EXTL3: variants seen among roughly 807,000 people sequenced by gnomAD.
The protein encoded by EXTL3 is exostosin-like 3.
Under a neutral mutation model 69.3 loss-of-function variants are expected in EXTL3, and 27 were observed. The ratio of observed to expected loss-of-function variants is 0.39; its 90% CI spans 0.29 to 0.54. The LOEUF (loss-of-function observed/expected upper bound fraction) is 0.54, where lower values mean the gene tolerates loss of function less well. Among genes scored for constraint, EXTL3 ranks in the 20% least tolerant of loss-of-function variants. The probability of loss-of-function intolerance (pLI) is 0.69; values close to 1 mark genes in which losing one functional copy is unlikely to be tolerated. For synonymous variants in EXTL3, 511 were observed against 499.4 expected, an observed-to-expected ratio of 1.02 and a Z score of -0.31; for missense variants, 1,003 against 1,231.8, an observed-to-expected ratio of 0.81 and a Z score of 2.78.
chr8:28,626,643 A>G (rs1485149753), intron 1 of EXTL3, among the ~76,000 whole-genome samples: 2 of 152,176 alleles, frequency 1.3e-5, no homozygotes, highest in African/African-American at 4.8e-5. Context: ...GAATCTTATA[A>G]AAACCCTGTA....
intron 6 of EXTL3, among the ~76,000 whole-genome samples, chr8:28,749,286 A>G (rs1801954071): frequency 6.6e-6 from 1 of 152,222 alleles, no homozygotes; most frequent in Non-Finnish European, 1.5e-5. Flanking sequence ...TAACCTGAAA[A>G]CATAAAAAAG....
At chr8:28,699,156 G>A (rs34092499), upstream of EXTL3, among the ~76,000 whole-genome samples, 6 of 152,232 alleles carry the variant, frequency 3.9e-5, no homozygotes, top group East Asian at 9.7e-4. Flanking sequence ...CAGTGTGGGC[G>A]ACAGAGCAAG....
intron 4 of EXTL3, among the ~76,000 whole-genome samples, chr8:28,736,193 A>T (rs1054971422): frequency 4.6e-5 from 7 of 151,694 alleles, no homozygotes; most frequent in African/African-American, 1.7e-4. Context: ...TCAGTTGTCT[A>T]AAAAAACCCA....
At position 28,716,521 on chromosome 8, in the gene EXTL3, C is replaced by T. The variant is rs1412797834; in HGVS notation, c.462C>T (p.Ser154=). 6 of 1,613,976 alleles carry T rather than the reference C, an allele frequency of 3.7e-6. No individual in the cohort carries two copies. In the Admixed American group the frequency reaches 8.3e-5, roughly 22 times the overall value. The change falls in exon 3 of 7, where the codon TCC becomes TCT. Residue 154 remains serine, a synonymous_variant. Transcript: ENST00000220562. This position sits in a 1 kb window ranked among gnomAD's most constrained non-coding sequence, Gnocchi z 7.1. Reference sequence around the variant, plus strand: ...TGGCCCAGAACCAGCCCAAGCTGTCCCTGCCCATCCGACTGCTCCCAGAGA... The same window carrying T: ...TGGCCCAGAACCAGCCCAAGCTGTCTCTGCCCATCCGACTGCTCCCAGAGA... The part of the protein sequence containing the change: ...ELMAQNQPKL[S]LPIRLLPEKD...
chr8:28,673,010 T>G (rs1807322542), intron 1 of EXTL3, among the ~76,000 whole-genome samples: 1 of 152,212 alleles, frequency 6.6e-6, no homozygotes, highest in South Asian at 2.1e-4. Context: ...ATGTAAGATG[T>G]GCCTTTAGCC....
upstream of EXTL3, among the ~76,000 whole-genome samples, chr8:28,621,301 G>T (rs1563426771): frequency 6.6e-6 from 1 of 152,158 alleles, no homozygotes; most frequent in African/African-American, 2.4e-5. Context: ...TTATAAAAGG[G>T]GGATATATTT....
chr8:28,711,605 C>T (rs1167818265), intron 1 of EXTL3, among the ~76,000 whole-genome samples: 1 of 152,194 alleles, frequency 6.6e-6, no homozygotes, highest in African/African-American at 2.4e-5. Flanking sequence ...GAGCTGCATC[C>T]TGAGCCGGGT....
chr8:28,713,340 G>T, intron 1 of EXTL3, 117 bp from the exon 2 acceptor site: 1 of 585,774 alleles, frequency 1.7e-6, no homozygotes, highest in Non-Finnish European at 3.0e-6. Context: ...GTACATAAGA[G>T]AAATCTTTTC....
chr8:28,721,971 G>T (rs920798939), intron 3 of EXTL3, among the ~76,000 whole-genome samples: 1 of 152,212 alleles, frequency 6.6e-6, no homozygotes, highest in Non-Finnish European at 1.5e-5. Flanking sequence ...ACAGTCTCTT[G>T]GCAGCCCGTC....
upstream of EXTL3, among the ~76,000 whole-genome samples, chr8:28,622,544 C>T (rs1408915798): frequency 1.4e-5 from 2 of 142,440 alleles, no homozygotes; most frequent in Non-Finnish European, 3.0e-5. Context: ...GGCCGGGAGC[C>T]GACGCGGAGG....
chr8:28,617,294 T>G (rs1585215545), intron 2 of EXTL3, among the ~76,000 whole-genome samples: 1 of 152,006 alleles, frequency 6.6e-6, no homozygotes, highest in African/African-American at 2.4e-5. Flanking sequence ...GGGTCTACAG[T>G]GGAAATAAGA....
intron 1 of EXTL3, among the ~76,000 whole-genome samples, chr8:28,672,387 C>G: frequency 8.7e-6 from 1 of 114,696 alleles, no homozygotes; most frequent in Admixed American, 1.3e-4. Context: ...CACTGCACTC[C>G]AGTCTGGGCA....
In EXTL3 at chr8:28,751,339, A is replaced by AG. The variant is rs1801999338; in HGVS notation, c.*476dup. On this transcript the variant is annotated 3_prime_UTR_variant, in exon 7 of 7. Transcript: ENST00000220562. ...AGTGTGAGTTTTGCCTTTCTAAGGG[A>AG]GGGACCGCGCAGGCTCCTTTGTTCT... 1 of 178,132 alleles carries AG rather than the reference A, an allele frequency of 5.6e-6. No individual in the cohort carries two copies. Among genetic ancestry groups the AG allele is most frequent in the Non-Finnish European group, 1.2e-5 (1 of 82,638 alleles). 11.0% of individuals were successfully genotyped at this position (178,132 alleles called of 1,614,324 possible). A position where few individuals can be genotyped will look rare whatever the true frequency, so the allele number is the denominator to read the frequency against.
chr8:28,706,902 A>G (rs774061511), intron 1 of EXTL3, among the ~76,000 whole-genome samples: 21 of 151,630 alleles, frequency 1.4e-4, no homozygotes, highest in Non-Finnish European at 2.9e-4. Flanking sequence ...CCTGTTGAAC[A>G]TTTCTGGATT....
chr8:28,628,476 GAGCT>G (rs1806527409), intron 1 of EXTL3, among the ~76,000 whole-genome samples: 1 of 152,180 alleles, frequency 6.6e-6, no homozygotes, highest in South Asian at 2.1e-4. Context: ...AGGCTGCAGT[GAGCT>G]ATCATTGCAC....
chr8:28,647,240 GATTAC>G (rs1806846529), intron 1 of EXTL3, among the ~76,000 whole-genome samples: 1 of 151,926 alleles, frequency 6.6e-6, no homozygotes, highest in South Asian at 2.1e-4. Flanking sequence ...TAGTAGCTGG[GATTAC>G]AGGTTCCCGC....
chr8:28,732,280 A>C (rs1192358444), intron 4 of EXTL3, among the ~76,000 whole-genome samples: 2 of 152,220 alleles, frequency 1.3e-5, no homozygotes, highest in African/African-American at 2.4e-5. Context: ...GTTAATGGTG[A>C]GGTAAGTACA....
rs548965911 is a variant in EXTL3, at chr8:28,650,131, G to C, written c.-53+27321G>C. On this transcript the variant is annotated intron_variant, in intron 1 of 6. Coordinates refer to the EXTL3 transcript ENST00000523149. Reference sequence around the variant, plus strand: ...GAATTGCTTGAACCCAGGAGGCGGAGGTTTCAGTGAGCCGAGATTGCACCA... The same window carrying C: ...GAATTGCTTGAACCCAGGAGGCGGACGTTTCAGTGAGCCGAGATTGCACCA... 4.0e-5 allele frequency among the ~76,000 whole-genome samples: 6 copies of C among 150,546 alleles called. 1 individual carries two copies. In the East Asian group the frequency reaches 5.9e-4, roughly 15 times the overall value.
intron 1 of EXTL3, among the ~76,000 whole-genome samples, chr8:28,647,722 CG>C: frequency 6.6e-6 from 1 of 152,064 alleles, no homozygotes; most frequent in Admixed American, 6.6e-5. Context: ...CAGAAGCTGT[CG>C]GGGAAAGAAA....
Sources: allele counts gnomAD v4.1 joint callset (sites outside exome capture counted in the v4.1 genomes callset), GRCh38; gene constraint gnomAD v4.1.1; non-coding constraint Gnocchi (gnomAD v3.1); transcripts MANE v1.5; gene names NCBI Gene and HGNC (gene_info 2026-07-23, HGNC 2026-07-21).